HS6ST2: variants seen among roughly 807,000 people sequenced by gnomAD.
HS6ST2 encodes heparan-sulfate 6-O-sulfotransferase 2.
HS6ST2 carries 17 observed loss-of-function variants against 33.0 expected under a neutral mutation model. That is an observed-to-expected ratio of 0.52 (90% CI 0.35 to 0.77). The LOEUF is 0.77. Among genes scored for constraint, HS6ST2 ranks in the 30% least tolerant of loss-of-function variants. HS6ST2 has a pLI of 0.01. For synonymous variants in HS6ST2, 248 were observed against 237.1 expected, an observed-to-expected ratio of 1.05 and a Z score of -0.42; for missense variants, 519 against 551.7, an observed-to-expected ratio of 0.94 and a Z score of 0.59.
chrX:132,959,199 A>G (rs1391715229), upstream of HS6ST2, among the ~76,000 whole-genome samples: 1 of 111,791 alleles, frequency 8.9e-6, no homozygotes, highest in African/African-American at 3.3e-5. Context: ...ATTTCCTGAT[A>G]CTAACACCAC....
In HS6ST2 at chrX:132,876,586, G is replaced by A. The variant is rs2066110382; in HGVS notation, c.947+80222C>T. 1.8e-5 allele frequency among the ~76,000 whole-genome samples: 2 copies of A among 111,260 alleles called. 1 individual carries two copies. Among genetic ancestry groups the A allele is most frequent in the Middle Eastern group, 8.5e-3 (2 of 235 alleles). On this transcript the variant is annotated intron_variant, in intron 2 of 4. Coordinates refer to ENST00000370833, the MANE Select transcript of HS6ST2 (RefSeq NM_001394073.1). Reference sequence around the variant, plus strand: ...TGGAGAGGTTCTGGGAAGTATGTGTGGGTGGGAAAAAGAGGGATAGAGGGA... The same window carrying A: ...TGGAGAGGTTCTGGGAAGTATGTGTAGGTGGGAAAAAGAGGGATAGAGGGA...
upstream of HS6ST2, chrX:132,958,852 G>A (rs2067121823): frequency 5.8e-6 from 2 of 344,769 alleles, no homozygotes; most frequent in Non-Finnish European, 1.0e-5. Flanking sequence ...ATTCTCCAGC[G>A]GAAGCGGGGG....
intron 2 of HS6ST2, among the ~76,000 whole-genome samples, chrX:132,799,004 A>G (rs891652313): frequency 8.9e-6 from 1 of 111,994 alleles, no homozygotes; most frequent in Non-Finnish European, 1.9e-5. Flanking sequence ...TGTTTGCTAA[A>G]TAAGTTATTA....
chrX:132,875,498 GT>G (rs1048130796), intron 2 of HS6ST2, among the ~76,000 whole-genome samples: 3 of 110,945 alleles, frequency 2.7e-5, no homozygotes, highest in Admixed American at 9.6e-5. Flanking sequence ...TGAAAAAAAT[GT>G]GAAAAAAAAG....
At chrX:132,741,995 C>G (rs966508383) in intron 2 of HS6ST2, among the ~76,000 whole-genome samples, 1 of 112,089 alleles carries the variant, frequency 8.9e-6, no homozygotes, top group African/African-American at 3.2e-5. Context: ...ACACAAGACA[C>G]AGTCATTGGT....
intron 2 of HS6ST2, among the ~76,000 whole-genome samples, chrX:132,718,326 C>T (rs1429869805): frequency 8.9e-6 from 1 of 111,769 alleles, no homozygotes; most frequent in Non-Finnish European, 1.9e-5. Context: ...CACAGCAACC[C>T]TGTGAGGTAG....
At chrX:132,634,377 G>C (rs1413637529) in intron 4 of HS6ST2, among the ~76,000 whole-genome samples, 1 of 112,192 alleles carries the variant, frequency 8.9e-6, no homozygotes, top group East Asian at 2.8e-4. Context: ...GTTTCACTTA[G>C]TAGTAATTGG....
At chrX:132,818,919 G>T (rs1243500056) in intron 2 of HS6ST2, among the ~76,000 whole-genome samples, 1 of 111,858 alleles carries the variant, frequency 8.9e-6, no homozygotes, top group Non-Finnish European at 1.9e-5. Flanking sequence ...ATGGTCTATA[G>T]AATTCTATTG....
intron 3 of HS6ST2, among the ~76,000 whole-genome samples, chrX:132,671,316 C>A (rs770396377): frequency 2.6e-3 from 288 of 111,609 alleles, no homozygotes; most frequent in African/African-American, 9.0e-3. Flanking sequence ...CAGTGGGAAA[C>A]TTGGCTGGAA....
chrX:132,940,095 T>C (rs1474907203), intron 2 of HS6ST2, among the ~76,000 whole-genome samples: 2 of 112,479 alleles, frequency 1.8e-5, no homozygotes, highest in East Asian at 2.8e-4. Flanking sequence ...TGATTAAAGA[T>C]AGCTTTATAG....
At chrX:132,909,905 T>C (rs1007111176) in intron 2 of HS6ST2, among the ~76,000 whole-genome samples, 3 of 110,904 alleles carry the variant, frequency 2.7e-5, no homozygotes, top group Non-Finnish European at 3.8e-5. Context: ...CTTAGGGAGA[T>C]AGTATTTCGT....
chrX:132,811,060 C>T (rs1448125107), intron 2 of HS6ST2, among the ~76,000 whole-genome samples: 2 of 112,401 alleles, frequency 1.8e-5, no homozygotes, highest in East Asian at 5.6e-4. Context: ...TTTGTGAATC[C>T]GCATTTTTAA....
Position 132,957,231 on chromosome X carries a change from C to T in HS6ST2, c.524G>A (p.Gly175Asp). ...CAGGCGGAGGAGCTGGCATTCTGTG[C>T]CGGGGCACACGTATTGGAGGACGAT... is the stretch of plus-strand genomic sequence containing the variant. ...AVIVLQYVCP[G>D]TECQLLRLQA... Residue 175 changes from glycine (G) to aspartate (D), a missense_variant, in exon 2 of 5, where the codon GGC becomes GAC. Transcript: ENST00000370833. 2 of 1,206,743 alleles carry T rather than the reference C, an allele frequency of 1.7e-6. No homozygotes were observed. The highest frequency in any genetic ancestry group is 2.2e-5 in the Admixed American group (1 of 45,738).
intron 2 of HS6ST2, among the ~76,000 whole-genome samples, chrX:132,805,552 C>T (rs2065273414): frequency 9.2e-6 from 1 of 109,269 alleles, no homozygotes; most frequent in African/African-American, 3.3e-5. Context: ...TAAACACATA[C>T]CTACCCCTGG....
At chrX:132,935,893 T>C (rs948819687) in intron 2 of HS6ST2, among the ~76,000 whole-genome samples, 1 of 109,801 alleles carries the variant, frequency 9.1e-6, no homozygotes, top group Non-Finnish European at 1.9e-5. Flanking sequence ...TTTACAACTA[T>C]AATTTGAAAA....
intron 2 of HS6ST2, among the ~76,000 whole-genome samples, chrX:132,817,984 G>C (rs2065411245): frequency 9.0e-6 from 1 of 111,484 alleles, no homozygotes; most frequent in South Asian, 3.9e-4. Flanking sequence ...TGTGTGTGAT[G>C]GACTTCTTCA....
chrX:132,708,379 A>C lies in HS6ST2; in HGVS notation c.980+83T>G, dbSNP rs755337416. ...AAAAACTTAACTATTTGTTGTACTG[A>C]AATTAAACGGACAGGCAACTGCAGA... On this transcript the variant is annotated intron_variant, in intron 3 of 4. Transcript: ENST00000370833. 4 of 583,899 alleles carry C rather than the reference A, an allele frequency of 6.9e-6. No homozygotes were observed. In the African/African-American group the frequency reaches 9.9e-5, roughly 14 times the overall value. 48.1% of individuals were successfully genotyped at this position (583,899 alleles called of 1,213,427 possible). A position where few individuals can be genotyped will look rare whatever the true frequency, so the allele number is the denominator to read the frequency against.
intron 4 of HS6ST2, among the ~76,000 whole-genome samples, chrX:132,650,777 T>C (rs865872419): frequency 4.0e-5 from 3 of 74,363 alleles, no homozygotes; most frequent in African/African-American, 5.9e-5. Flanking sequence ...CTCTCTTCTT[T>C]TTTGTTTTGT....
intron 2 of HS6ST2, among the ~76,000 whole-genome samples, chrX:132,918,296 C>T (rs1254178501): frequency 8.9e-6 from 1 of 112,181 alleles, no homozygotes; most frequent in Admixed American, 9.4e-5. Context: ...TGGTCTCCCC[C>T]TATGAAATCT....
Sources: gnomAD v4.1 joint callset for allele counts (sites outside exome capture counted in the v4.1 genomes callset) on GRCh38, gnomAD v4.1.1 for gene constraint, MANE v1.5 for transcripts, NCBI Gene and HGNC (gene_info 2026-07-23, HGNC 2026-07-21) for gene names.